NOL10: variants seen among roughly 807,000 people sequenced by gnomAD.
NOL10 encodes nucleolar protein 10.
In NOL10, 58 loss-of-function variants were observed where a neutral mutation model predicts 103.5. That is an observed-to-expected ratio of 0.56 (90% CI 0.45 to 0.70). NOL10 has a LOEUF of 0.70. NOL10 is among the 30% of genes least tolerant of loss of function. The probability of loss-of-function intolerance (pLI) is 0.00; values close to 1 mark genes in which losing one functional copy is unlikely to be tolerated. For synonymous variants in NOL10, 287 were observed against 282.5 expected (o/e 1.02, Z -0.16); for missense variants, 763 against 807.3 (o/e 0.95, Z 0.67).
intron 11 of NOL10, among the ~76,000 whole-genome samples, chr2:10,655,346 G>A (rs914433926): frequency 6.6e-6 from 1 of 152,188 alleles, no homozygotes; most frequent in Middle Eastern, 3.4e-3. Flanking sequence ...AGAGGAGAGA[G>A]ATGGCCAGCA....
At chr2:10,573,265 C>T (rs1662831072) in intron 20 of NOL10, among the ~76,000 whole-genome samples, 1 of 152,128 alleles carries the variant, frequency 6.6e-6, no homozygotes, top group Non-Finnish European at 1.5e-5. Flanking sequence ...ACAATCTCGA[C>T]TCACTGCAAC....
intron 20 of NOL10, among the ~76,000 whole-genome samples, chr2:10,573,689 T>C (rs943766636): frequency 1.4e-4 from 21 of 151,256 alleles, no homozygotes; most frequent in Non-Finnish European, 3.1e-4. Flanking sequence ...ATTTCTCCCA[T>C]TCTAATAAGT....
At chr2:10,631,060 G>A (rs1159082319) in intron 13 of NOL10, among the ~76,000 whole-genome samples, 1 of 152,186 alleles carries the variant, frequency 6.6e-6, no homozygotes, top group Admixed American at 6.5e-5. Flanking sequence ...GTCTAATAGG[G>A]CTCTGCTTAA....
chr2:10,623,334 A>C (rs1195405197), intron 13 of NOL10, among the ~76,000 whole-genome samples: 1 of 152,114 alleles, frequency 6.6e-6, no homozygotes, highest in African/African-American at 2.4e-5. Context: ...GCTCTTCCCA[A>C]ACAGACTGAA....
intron 13 of NOL10, among the ~76,000 whole-genome samples, chr2:10,628,418 C>A (rs1677620786): frequency 6.6e-6 from 1 of 152,152 alleles, no homozygotes; most frequent in Non-Finnish European, 1.5e-5. Flanking sequence ...CTGAAACCAA[C>A]AGAGCTCTTT....
intron 13 of NOL10, 51 bp from the exon 14 acceptor site, chr2:10,607,362 C>G (rs748201115): frequency 2.8e-4 from 433 of 1,541,924 alleles, no homozygotes; most frequent in Non-Finnish European, 3.5e-4. Flanking sequence ...CCACGCCATC[C>G]AAGTCTCAGT....
intron 1 of NOL10, among the ~76,000 whole-genome samples, chr2:10,687,766 C>T (rs1682318593): frequency 6.6e-6 from 1 of 152,134 alleles, no homozygotes; most frequent in African/African-American, 2.4e-5. Context: ...CCATACCGGC[C>T]AACATAGTGA....
chr2:10,668,151 G>T (rs1244797305), intron 7 of NOL10, among the ~76,000 whole-genome samples: 1 of 152,194 alleles, frequency 6.6e-6, no homozygotes, highest in African/African-American at 2.4e-5. Flanking sequence ...GGCACAAAGT[G>T]CTTTCCTACT....
rs1000616301 is a variant in NOL10, at chr2:10,648,003, G to A, written c.974-3631C>T. The stretch of plus-strand genomic sequence containing the variant: ...GTCTGGAGTGGGACTCAAGACACAC[G>A]TAAGCTTTACAAGCTCCCCGTGTCA... On this transcript the variant is annotated intron_variant, in intron 12 of 20. Coordinates refer to ENST00000381685, the MANE Select transcript of NOL10 (RefSeq NM_024894.4). 4.6e-5 allele frequency among the ~76,000 whole-genome samples: 7 copies of A among 152,106 alleles called. No individual in the cohort carries two copies. In the South Asian group the frequency reaches 6.2e-4, roughly 14 times the overall value.
intron 6 of NOL10, among the ~76,000 whole-genome samples, chr2:10,669,368 C>T (rs1051820432): frequency 4.6e-5 from 7 of 150,810 alleles, no homozygotes; most frequent in African/African-American, 1.7e-4. Context: ...GGATTACAAG[C>T]ATGAGCCACC....
chr2:10,644,216 C>T (rs1678904189), intron 13 of NOL10, 104 bp downstream of exon 13: 1 of 802,470 alleles, frequency 1.2e-6, no homozygotes, highest in African/African-American at 1.8e-5. Flanking sequence ...CCACTGCACC[C>T]CAGCATCGGT....
intron 12 of NOL10, among the ~76,000 whole-genome samples, chr2:10,645,873 G>A (rs377708817): frequency 1.4e-4 from 22 of 151,848 alleles, no homozygotes; most frequent in African/African-American, 5.1e-4. Flanking sequence ...TAACTCAGAA[G>A]TGTGAGCTAG....
intron 13 of NOL10, among the ~76,000 whole-genome samples, chr2:10,641,521 T>C (rs1452326063): frequency 6.6e-6 from 1 of 152,218 alleles, no homozygotes; most frequent in Non-Finnish European, 1.5e-5. Context: ...TACGCATACA[T>C]TGTTTGCATG....
intron 8 of NOL10, among the ~76,000 whole-genome samples, chr2:10,664,435 G>A (rs1481994941): frequency 1.3e-5 from 2 of 152,114 alleles, no homozygotes; most frequent in Admixed American, 6.6e-5. Context: ...TGGAGAAACT[G>A]TAGTACGTCC....
At position 10,587,254 on chromosome 2, in the gene NOL10, TATACAC is replaced by T. The variant is rs1382255778; in HGVS notation, c.1844+1783_1844+1788del. 2.6e-3 allele frequency among the ~76,000 whole-genome samples: 104 copies of T among 39,684 alleles called. 6 individuals are homozygous for T. Among genetic ancestry groups the T allele is most frequent in the East Asian group, 0.013 (21 of 1,578 alleles). 26.0% of individuals were successfully genotyped at this position (39,684 alleles called of 152,430 possible). ...ATATATATATACATACATATATATA[TATACAC>T]ATATATATATATATATTTTTTTTTT... is the stretch of plus-strand genomic sequence containing the variant. On this transcript the variant is annotated intron_variant, in intron 19 of 20. Transcript: ENST00000381685.
intron 6 of NOL10, among the ~76,000 whole-genome samples, chr2:10,669,511 T>TAC (rs1344903922): frequency 3.0e-3 from 284 of 95,146 alleles, no homozygotes; most frequent in Middle Eastern, 5.6e-3. Context: ...CACACACATA[T>TAC]ATACACACAC....
At chr2:10,645,781 G>A (rs534482941) in intron 12 of NOL10, among the ~76,000 whole-genome samples, 4 of 151,786 alleles carry the variant, frequency 2.6e-5, no homozygotes, top group East Asian at 1.9e-4. Flanking sequence ...CGCCCGCCTC[G>A]GCCTCCCAAC....
intron 13 of NOL10, 71 bp from the exon 14 acceptor site, chr2:10,607,382 C>T: frequency 1.4e-6 from 2 of 1,462,330 alleles, no homozygotes; most frequent in Non-Finnish European, 1.8e-6. Flanking sequence ...TTATTTATAA[C>T]CAGATTTTGT....
At chr2:10,624,482 T>C (rs899290097) in intron 13 of NOL10, among the ~76,000 whole-genome samples, 33 of 151,990 alleles carry the variant, frequency 2.2e-4, no homozygotes, top group African/African-American at 7.7e-4. Context: ...TGAAAGCCAT[T>C]GTACACAGCG....
Sources: gnomAD v4.1 joint callset for allele counts (sites outside exome capture counted in the v4.1 genomes callset) on GRCh38, gnomAD v4.1.1 for gene constraint, MANE v1.5 for transcripts, NCBI Gene and HGNC (gene_info 2026-07-23, HGNC 2026-07-21) for gene names.